ARHGAP32: variants seen among roughly 807,000 people sequenced by gnomAD.
The protein encoded by ARHGAP32 is Rho GTPase activating protein 32.
A neutral mutation model predicts 186.5 loss-of-function variants in ARHGAP32; 51 were observed. The observed-to-expected ratio is 0.27, with a 90% CI of 0.22 to 0.35. ARHGAP32 has a LOEUF of 0.35. Ranked by LOEUF, ARHGAP32 falls within the 10% of genes least tolerant of loss-of-function variation. The pLI is 1.00. For synonymous variants in ARHGAP32, 950 were observed against 964.3 expected (o/e 0.99, Z 0.27); for missense variants, 2,186 against 2,623.5 (o/e 0.83, Z 3.64).
chr11:129,153,145 CA>C (rs35216784), intron 2 of ARHGAP32, among the ~76,000 whole-genome samples: 98 of 142,146 alleles, frequency 6.9e-4, no homozygotes, highest in Middle Eastern at 3.6e-3. Flanking sequence ...CAACAGCTGC[CA>C]AAAAAAAAAA....
chr11:129,256,738 A>G (rs1377193679), intron 1 of ARHGAP32, among the ~76,000 whole-genome samples: 1 of 152,186 alleles, frequency 6.6e-6, no homozygotes, highest in Non-Finnish European at 1.5e-5. Context: ...AAATTATCAT[A>G]TCAGTTAGGG....
chr11:129,270,298 G>T (rs1454351481), intron 1 of ARHGAP32, among the ~76,000 whole-genome samples: 6 of 152,148 alleles, frequency 3.9e-5, no homozygotes, highest in African/African-American at 1.4e-4. Context: ...CTAACTATAT[G>T]ACATTCTGGA....
intron 2 of ARHGAP32, among the ~76,000 whole-genome samples, chr11:129,136,521 T>G (rs913246375): frequency 6.6e-5 from 10 of 151,922 alleles, no homozygotes; most frequent in Non-Finnish European, 1.5e-4. Context: ...GTAAATAAAA[T>G]TAAATGGGAA....
rs1031601581 is a variant in ARHGAP32, at chr11:128,966,237, C to T, written c.*2670G>A. On this transcript the variant is annotated 3_prime_UTR_variant, in exon 23 of 23. Transcript: ENST00000682385. ...ATCACGGGTTTAATGTATAAGGCAG[C>T]TCCATTTCCTTGATCATAATGCTCC... 4 of 152,178 alleles carry T rather than the reference C, an allele frequency of 2.6e-5. No individual in the cohort carries two copies. The highest frequency in any genetic ancestry group is 5.9e-5 in the Non-Finnish European group (4 of 68,040). The allele number at this position is 152,178 out of a possible 1,614,324, so 9.4% of individuals were successfully genotyped here.
In ARHGAP32 at chr11:129,128,831, T is replaced by A. The variant is rs1198269745; in HGVS notation, c.226-3937A>T. On this transcript the variant is annotated intron_variant, in intron 2 of 22. Transcript: ENST00000682385. ...AGCTCCTGACCGCAAGTGATCTGCC[T>A]GCCTCGGCCTCCCGAGGTGCCGGGA... Among the ~76,000 whole-genome samples the A allele has an allele frequency of 2.0e-5, 3 of 152,190 alleles. 1 individual carries two copies. Among genetic ancestry groups the A allele is most frequent in the African/African-American group, 4.8e-5 (2 of 41,446 alleles).
rs1565343590 is a variant in ARHGAP32 at position 128,969,301 on chromosome 11, G to GTCCTT, written c.5911_5912insAAGGA (p.Ser1971Ter). 6.2e-7 allele frequency: 1 copy of GTCCTT among 1,614,232 alleles called. No homozygotes were observed. Among genetic ancestry groups the GTCCTT allele is most frequent in the Admixed American group, 1.7e-5 (1 of 60,028 alleles). On this transcript the variant is annotated stop_gained and frameshift_variant, in exon 23 of 23. Transcript: ENST00000682385. LOFTEE classifies it high-confidence loss of function. The surrounding 1 kb of genome is among the most constrained non-coding windows in gnomAD (Gnocchi z 4.8). ...GTCTCTGGAGTGTTTCTCTGGGGCA[G>GTCCTT]AAGGCTGCCTAACCCAGGGTCGCTC... is the stretch of plus-strand genomic sequence containing the variant.
At position 129,043,579 on chromosome 11, in the gene ARHGAP32, G is replaced by A. The variant is rs558096716; in HGVS notation, c.964-2570C>T. ...TTTTTTGCATTTTTAGTAGAGATGG[G>A]TTTTCTCCATGTTGGTCAGGCTGGT... On this transcript the variant is annotated intron_variant, in intron 10 of 22. Transcript: ENST00000682385. Among the ~76,000 whole-genome samples, 115 of 151,752 alleles carry A rather than the reference G, an allele frequency of 7.6e-4. 1 individual carries two copies. Among genetic ancestry groups the A allele is most frequent in the African/African-American group, 2.6e-3 (107 of 41,380 alleles).
At chr11:129,271,979 A>G (rs146022692) in intron 1 of ARHGAP32, among the ~76,000 whole-genome samples, 1 of 152,328 alleles carries the variant, frequency 6.6e-6, no homozygotes, top group African/African-American at 2.4e-5. Flanking sequence ...CTGAAATGGT[A>G]AAGACTTGGG....
intron 12 of ARHGAP32, among the ~76,000 whole-genome samples, chr11:128,993,710 G>A (rs77887108): frequency 6.7e-6 from 1 of 148,198 alleles, no homozygotes; most frequent in East Asian, 2.0e-4. Context: ...TTTTTTTTTG[G>A]AGATAGGGTC....
Position 129,114,602 on chromosome 11 carries a change from A to T in ARHGAP32, c.444+8844T>A, listed in dbSNP as rs182045729. Among the ~76,000 whole-genome samples the T allele has an allele frequency of 8.0e-3, 1,213 of 152,278 alleles. 7 individuals are homozygous for T. The highest frequency in any genetic ancestry group is 0.032 in the South Asian group (152 of 4,824). Reference sequence around the variant, plus strand: ...TTTATGCAGTACCTGAACTACATGTACAAAGACTATACACTATGAAGGACT... The same window carrying T: ...TTTATGCAGTACCTGAACTACATGTTCAAAGACTATACACTATGAAGGACT... On this transcript the variant is annotated intron_variant, in intron 5 of 22. Transcript: ENST00000682385.
At chr11:129,100,886 G>A (rs1941878963) in intron 5 of ARHGAP32, among the ~76,000 whole-genome samples, 1 of 152,108 alleles carries the variant, frequency 6.6e-6, no homozygotes, top group African/African-American at 2.4e-5. Context: ...ATGCCCATAG[G>A]GAGCCAAGCA....
In ARHGAP32 at chr11:129,042,461, C is replaced by A. The variant is rs541717934; in HGVS notation, c.964-1452G>T. Among the ~76,000 whole-genome samples, 10 of 152,280 alleles carry A rather than the reference C, an allele frequency of 6.6e-5. No homozygotes were observed. The South Asian group carries it at 8.3e-4, about 13-fold the overall frequency. On this transcript the variant is annotated intron_variant, in intron 10 of 22. Transcript: ENST00000682385. ...TACTGGTGAAATTCTTTAATATATTCTACTCAACTTCCTATTTTACGGAAC... is the reference window on the plus strand; with the variant it reads ...TACTGGTGAAATTCTTTAATATATTATACTCAACTTCCTATTTTACGGAAC...
chr11:129,075,847 T>C lies in ARHGAP32; in HGVS notation c.532-8979A>G, dbSNP rs920181738. On this transcript the variant is annotated intron_variant, in intron 6 of 22. Coordinates refer to ENST00000682385, the MANE Select transcript of ARHGAP32 (RefSeq NM_001378024.1). ...AGGTGTTTGAACCAGAAGGACTCCA[T>C]CTTGAAGAGGTGCTGAGTGAAATGA... 2.9e-4 allele frequency among the ~76,000 whole-genome samples: 44 copies of C among 152,290 alleles called. 1 individual carries two copies. The highest frequency in any genetic ancestry group is 9.4e-4 in the African/African-American group (39 of 41,566).
At chr11:129,276,258 C>A (rs1356165435) in intron 1 of ARHGAP32, among the ~76,000 whole-genome samples, 1 of 152,190 alleles carries the variant, frequency 6.6e-6, no homozygotes, top group East Asian at 1.9e-4. Flanking sequence ...AATTTTGGAA[C>A]TAGAAGAAAT....
intron 1 of ARHGAP32, among the ~76,000 whole-genome samples, chr11:129,221,648 A>G (rs1267834692): frequency 6.6e-6 from 1 of 151,530 alleles, no homozygotes; most frequent in South Asian, 2.1e-4. Flanking sequence ...AATACTGAAG[A>G]AATGAGGAAG....
At chr11:129,113,109 A>T (rs1942272535) in intron 5 of ARHGAP32, among the ~76,000 whole-genome samples, 1 of 152,162 alleles carries the variant, frequency 6.6e-6, no homozygotes, top group Non-Finnish European at 1.5e-5. Context: ...GAGCATTTCC[A>T]GCATCACTAG....
At chr11:128,980,440 G>A in intron 18 of ARHGAP32, 113 bp downstream of exon 18, 1 of 764,010 alleles carries the variant, frequency 1.3e-6, no homozygotes, top group African/African-American at 1.8e-5. Context: ...TCTGGGACTA[G>A]CCTAGAATTC....
At chr11:129,212,027 T>C (rs1208999420) in intron 1 of ARHGAP32, among the ~76,000 whole-genome samples, 1 of 152,028 alleles carries the variant, frequency 6.6e-6, no homozygotes, top group Non-Finnish European at 1.5e-5. Context: ...GCCTGGTGCA[T>C]GCCTGCAGTC....
At chr11:129,239,884 A>C (rs1397633806) in intron 1 of ARHGAP32, among the ~76,000 whole-genome samples, 1 of 152,060 alleles carries the variant, frequency 6.6e-6, no homozygotes, top group African/African-American at 2.4e-5. Context: ...CAATTACTTA[A>C]AAAACAGACT....
Sources: gnomAD v4.1 joint callset for allele counts (sites outside exome capture counted in the v4.1 genomes callset) on GRCh38, gnomAD v4.1.1 for gene constraint, Gnocchi (gnomAD v3.1) non-coding constraint, MANE v1.5 for transcripts, NCBI Gene and HGNC (gene_info 2026-07-23, HGNC 2026-07-21) for gene names.